C5: variants seen among roughly 807,000 people sequenced by gnomAD.
C5 encodes C3 and PZP-like alpha-2-macroglobulin domain-containing protein 4.
A neutral mutation model predicts 218.8 loss-of-function variants in C5; 140 were observed. The observed-to-expected ratio is 0.64, with a 90% CI of 0.56 to 0.74. The LOEUF (loss-of-function observed/expected upper bound fraction) is 0.74. Among genes scored for constraint, C5 ranks in the 30% least tolerant of loss-of-function variants. The pLI, the probability that C5 is intolerant of heterozygous loss-of-function variation, is 0.00. For synonymous variants in C5, 614 were observed against 682.3 expected (o/e 0.90, Z 1.56); for missense variants, 1,700 against 1,969.6 (o/e 0.86, Z 2.59).
chr9:121,023,445 T>C lies in C5; in HGVS notation c.1075A>G (p.Thr359Ala), dbSNP rs2047384329. The C allele has an allele frequency of 6.2e-7, 1 of 1,613,764 alleles. No individual in the cohort carries two copies. The highest frequency in any genetic ancestry group is 8.5e-7 in the Non-Finnish European group (1 of 1,179,800). Residue 359 changes from threonine to alanine, a missense_variant, in exon 10 of 41, where the codon ACT (threonine) becomes GCT (alanine). By Grantham distance (58) the Thr-to-Ala change is moderately conservative. Coordinates refer to ENST00000223642, the MANE Select transcript of C5 (RefSeq NM_001735.3). ...LSPYKLNLVA[T>A]PLFLKPGIPY... The stretch of plus-strand genomic sequence containing the variant: ...ATCCCAGGCTTCAGGAAAAGAGGAG[T>C]AGCAACCAAATTCAGTTTGTAGGGA...
intron 28 of C5, chr9:120,979,645 T>C: frequency 4.2e-6 from 1 of 239,106 alleles, no homozygotes. Context: ...CCTAGCACTT[T>C]GGAAGGCTGA....
At chr9:121,045,927 T>C (rs1407583609) in intron 2 of C5, among the ~76,000 whole-genome samples, 1 of 152,126 alleles carries the variant, frequency 6.6e-6, no homozygotes, top group Middle Eastern at 3.2e-3. Flanking sequence ...TCCAAATATT[T>C]TCACATTAGT....
intron 12 of C5, 82 bp downstream of exon 12, chr9:121,019,894 G>T: frequency 1.2e-6 from 1 of 867,792 alleles, no homozygotes; most frequent in Non-Finnish European, 1.9e-6. Context: ...AAGTATAAAG[G>T]ATAATTCTAA....
intron 4 of C5, among the ~76,000 whole-genome samples, chr9:121,035,194 CAACA>C (rs146910692): frequency 0.01 from 1,566 of 152,096 alleles, 18 homozygotes; most frequent in African/African-American, 0.034. Flanking sequence ...GTAAAAACAA[CAACA>C]AACAAACAAA....
chr9:121,068,931 A>G, the C5 span, among the ~76,000 whole-genome samples: 3 of 152,220 alleles, frequency 2.0e-5, no homozygotes, highest in Non-Finnish European at 2.9e-5. Context: ...ATCCATATAC[A>G]GAAGAATGAA....
At chr9:121,011,489 G>A (rs1478543284) in intron 17 of C5, among the ~76,000 whole-genome samples, 3 of 152,104 alleles carry the variant, frequency 2.0e-5, no homozygotes, top group African/African-American at 7.2e-5. Context: ...ATGCTGGAGG[G>A]GATGTGGAGA....
At chr9:121,050,395 A>G, upstream of C5, 1 of 705,612 alleles carries the variant, frequency 1.4e-6, no homozygotes, top group Non-Finnish European at 2.5e-6. Context: ...TTGGAACTAA[A>G]ACACCCTTTC....
At chr9:120,987,720 T>C (rs774237566) in intron 25 of C5, among the ~76,000 whole-genome samples, 6 of 152,076 alleles carry the variant, frequency 3.9e-5, no homozygotes, top group South Asian at 2.1e-4. Context: ...ATATGTTTCA[T>C]ATAGAACCTA....
intron 33 of C5, among the ~76,000 whole-genome samples, chr9:120,964,269 G>A (rs1282399562): frequency 6.6e-6 from 1 of 152,198 alleles, no homozygotes; most frequent in East Asian, 1.9e-4. Flanking sequence ...CTTGAGGTCA[G>A]GAGTTCAAGA....
At position 121,035,388 on chromosome 9, in the gene C5, C is replaced by T. The variant is rs74726013; in HGVS notation, c.493-494G>A. Among the ~76,000 whole-genome samples, 286 of 152,250 alleles carry T rather than the reference C, an allele frequency of 1.9e-3. 2 individuals carry two copies. The highest frequency in any genetic ancestry group is 0.018 in the East Asian group (91 of 5,186). On this transcript the variant is annotated intron_variant, in intron 4 of 40. Coordinates refer to ENST00000223642, the MANE Select transcript of C5 (RefSeq NM_001735.3). ...ATGGGCATTTTTCAGCTTGGTAAAA[C>T]TCTCAAATGGTTAAACAAACTTGAC...
At chr9:120,974,691 A>C in intron 30 of C5, 88 bp downstream of exon 30, 3 of 1,209,066 alleles carry the variant, frequency 2.5e-6, no homozygotes, top group South Asian at 1.2e-5. Flanking sequence ...TAAGTAGTGA[A>C]GAGATAGATT....
chr9:121,033,934 A>G (rs1239691968), intron 5 of C5, among the ~76,000 whole-genome samples: 2 of 117,696 alleles, frequency 1.7e-5, no homozygotes, highest in African/African-American at 6.5e-5. Flanking sequence ...TCTTCTTTCT[A>G]TCTTAGTTGG....
At chr9:121,044,469 C>T (rs2047608845) in intron 2 of C5, among the ~76,000 whole-genome samples, 1 of 152,038 alleles carries the variant, frequency 6.6e-6, no homozygotes, top group African/African-American at 2.4e-5. Context: ...GAGCGAGACC[C>T]TGTCTCAACA....
At chr9:121,071,420 C>T in the C5 span, among the ~76,000 whole-genome samples, 2 of 152,084 alleles carry the variant, frequency 1.3e-5, no homozygotes, top group East Asian at 1.9e-4. Context: ...CATGCTGGCT[C>T]ATGCGTGTAA....
chr9:120,974,354 C>T (rs1440612416), intron 30 of C5, among the ~76,000 whole-genome samples: 1 of 152,194 alleles, frequency 6.6e-6, no homozygotes, highest in Non-Finnish European at 1.5e-5. Context: ...CATGCCTTCC[C>T]TCCTACGCTC....
chr9:120,953,885 T>G lies in C5; in HGVS notation c.4763-17A>C. On this transcript the variant is annotated splice_polypyrimidine_tract_variant and intron_variant, in intron 39 of 40. Coordinates refer to ENST00000223642, the MANE Select transcript of C5 (RefSeq NM_001735.3). ...CAGCTTCCCCTGAGAGACATGCAAG[T>G]CAAGTAAGGTTATACCATTCATGTT... The G allele has an allele frequency of 6.2e-7, 1 of 1,613,494 alleles. No homozygotes were observed. The highest frequency in any genetic ancestry group is 8.5e-7 in the Non-Finnish European group (1 of 1,179,426).
At chr9:121,053,785 G>A (rs375815966), upstream of C5, among the ~76,000 whole-genome samples, 5 of 152,128 alleles carry the variant, frequency 3.3e-5, no homozygotes, top group South Asian at 2.1e-4. Flanking sequence ...GCCCCGTCAT[G>A]GTGGAACATA....
Position 120,957,333 on chromosome 9 carries a change from T to C in C5, c.4714A>G (p.Asn1572Asp), listed in dbSNP as rs1387994187. Residue 1572 changes from asparagine to aspartate, a missense_variant, in exon 39 of 41, where the codon AAT (asparagine) becomes GAT (aspartate). Coordinates refer to ENST00000223642, the MANE Select transcript of C5 (RefSeq NM_001735.3). ...GTTGCCTTGTACTTGACAAAAACAT[T>C]TTCTACAGTGATGGATGTGATGCTA... is the stretch of plus-strand genomic sequence containing the variant. ...KVSITSITVE[N>D]VFVKYKATLL... The C allele has an allele frequency of 1.2e-6, 2 of 1,613,214 alleles. No homozygotes were observed. Among genetic ancestry groups the C allele is most frequent in the East Asian group, 2.2e-5 (1 of 44,792 alleles).
chr9:120,985,015 C>T (rs1174803206), intron 25 of C5, among the ~76,000 whole-genome samples: 1 of 152,098 alleles, frequency 6.6e-6, no homozygotes. Context: ...AGCCACTGCA[C>T]CTGGTTTTTA....
Sources: gnomAD v4.1 joint callset for allele counts (sites outside exome capture counted in the v4.1 genomes callset) on GRCh38, gnomAD v4.1.1 for gene constraint, MANE v1.5 for transcripts, NCBI Gene and HGNC (gene_info 2026-07-23, HGNC 2026-07-21) for gene names.